The following GUCY1A2 variants were observed in gnomAD, a reference collection of about 807,000 sequenced individuals.
GUCY1A2 encodes guanylate cyclase soluble subunit alpha-2.
GUCY1A2 carries 27 observed loss-of-function variants against 63.5 expected under a neutral mutation model. The ratio of observed to expected loss-of-function variants is 0.43; its 90% confidence interval spans 0.31 to 0.59. The LOEUF (loss-of-function observed/expected upper bound fraction) is 0.59, where lower values mean the gene tolerates loss of function less well. GUCY1A2 is among the 20% of genes least tolerant of loss of function. The probability of loss-of-function intolerance (pLI) is 0.11; values close to 1 mark genes in which losing one functional copy is unlikely to be tolerated. For missense variants in GUCY1A2, 768 were observed against 913.3 expected, an observed-to-expected ratio of 0.84 and a Z score of 2.05; for synonymous variants, 364 against 343.5, an observed-to-expected ratio of 1.06 and a Z score of -0.66.
At chr11:106,970,620 C>G (rs1861181346) in intron 3 of GUCY1A2, among the ~76,000 whole-genome samples, 1 of 152,110 alleles carries the variant, frequency 6.6e-6, no homozygotes, top group Admixed American at 6.6e-5. Context: ...TAGGAAGTCT[C>G]ATTCATTGCT....
At chr11:106,712,757 G>GTACTC (rs1398163364) in intron 6 of GUCY1A2, among the ~76,000 whole-genome samples, 1 of 152,262 alleles carries the variant, frequency 6.6e-6, no homozygotes, top group East Asian at 1.9e-4. Context: ...AGAACCTTGA[G>GTACTC]TACTCTCTGC....
intron 1 of GUCY1A2, among the ~76,000 whole-genome samples, chr11:107,006,349 A>G (rs931056123): frequency 4.6e-5 from 7 of 152,216 alleles, no homozygotes; most frequent in African/African-American, 1.7e-4. Context: ...ATGTGATTTC[A>G]GAGATGGGAA....
chr11:106,987,736 C>T lies in GUCY1A2; in HGVS notation c.304-1605G>A, dbSNP rs560976275. On this transcript the variant is annotated intron_variant, in intron 1 of 7. Coordinates refer to ENST00000526355, the MANE Select transcript of GUCY1A2 (RefSeq NM_000855.3). ...ATGTCCACCTCTTCATAAAAACATC[C>T]AAGACAGATGTAACACTCTCCCTAC... Among the ~76,000 whole-genome samples the T allele has an allele frequency of 2.0e-5, 3 of 151,938 alleles. No individual in the cohort carries two copies. The South Asian group carries it at 6.2e-4, about 32-fold the overall frequency.
intron 1 of GUCY1A2, among the ~76,000 whole-genome samples, chr11:107,013,048 T>C (rs777425422): frequency 2.6e-5 from 4 of 152,148 alleles, no homozygotes; most frequent in Non-Finnish European, 5.9e-5. Context: ...ATTAAGATAA[T>C]TTCCTTCCCC....
chr11:106,950,669 A>G (rs541550704), intron 3 of GUCY1A2, among the ~76,000 whole-genome samples: 1 of 152,300 alleles, frequency 6.6e-6, no homozygotes, highest in South Asian at 2.1e-4. Context: ...ATTGGCGGCC[A>G]CAGAAGAGGC....
At chr11:106,990,787 C>T (rs1861461023) in intron 1 of GUCY1A2, among the ~76,000 whole-genome samples, 2 of 152,158 alleles carry the variant, frequency 1.3e-5, no homozygotes, top group African/African-American at 4.8e-5. Flanking sequence ...CACTAGATGC[C>T]TTTGAGGCTC....
intron 3 of GUCY1A2, among the ~76,000 whole-genome samples, chr11:106,949,341 CT>C (rs1164833623): frequency 1.3e-5 from 2 of 152,124 alleles, no homozygotes; most frequent in Admixed American, 6.6e-5. Flanking sequence ...CATTTCACAC[CT>C]CTATACCAGC....
At chr11:106,746,435 G>A (rs750402606) in intron 6 of GUCY1A2, 11 of 560,204 alleles carry the variant, frequency 2.0e-5, no homozygotes, top group Non-Finnish European at 3.5e-5. Context: ...ACAAACAAAA[G>A]GATGATGATG....
chr11:106,825,283 C>T (rs1439774827), intron 4 of GUCY1A2, among the ~76,000 whole-genome samples: 2 of 151,778 alleles, frequency 1.3e-5, no homozygotes, highest in Non-Finnish European at 2.9e-5. Context: ...TTTGACATAA[C>T]TATCTTTTTG....
At chr11:106,835,916 A>G (rs1015498833) in intron 4 of GUCY1A2, among the ~76,000 whole-genome samples, 2 of 152,020 alleles carry the variant, frequency 1.3e-5, no homozygotes, top group Non-Finnish European at 2.9e-5. Flanking sequence ...TTAAAAAAAT[A>G]GGAAACAAAG....
chr11:106,922,746 G>GT (rs1860465901), intron 4 of GUCY1A2, among the ~76,000 whole-genome samples: 1 of 141,350 alleles, frequency 7.1e-6, no homozygotes, highest in South Asian at 2.4e-4. Context: ...TATATGAGTG[G>GT]TTAATTTAAA....
intron 4 of GUCY1A2, among the ~76,000 whole-genome samples, chr11:106,907,651 C>G (rs11211970): frequency 6.6e-6 from 1 of 151,580 alleles, no homozygotes. Context: ...TGAGAACATG[C>G]GGTGTTTGGT....
intron 7 of GUCY1A2, among the ~76,000 whole-genome samples, chr11:106,690,128 T>A (rs1325291922): frequency 6.6e-6 from 1 of 152,170 alleles, no homozygotes; most frequent in Non-Finnish European, 1.5e-5. Flanking sequence ...CTCAAAGACC[T>A]AAAGACAGAA....
In GUCY1A2 at chr11:106,939,950, T is replaced by C. The variant is rs138928902; in HGVS notation, c.716A>G (p.Tyr239Cys). 5.0e-6 allele frequency: 8 copies of C among 1,613,610 alleles called. No homozygotes were observed. Among genetic ancestry groups the C allele is most frequent in the African/African-American group, 2.7e-5 (2 of 74,872 alleles). Residue 239 changes from tyrosine to cysteine, a missense_variant, in exon 4 of 8, where the codon TAC becomes TGC. Around this residue, in one of 3 missense-constraint regions of GUCY1A2, gnomAD observed 496 missense variants for 486.9 expected, o/e 1.02. Transcript: ENST00000526355. The stretch of plus-strand genomic sequence containing the variant: ...CCCCACAATATGGTGAGGGTGGAAG[T>C]AGTGGAGCATGAGAGTACCTTCAGG... Reference protein sequence around the residue: ...ELPEGTLMLHYFHPHHIVGFA... With the variant: ...ELPEGTLMLHCFHPHHIVGFA...
chr11:107,001,448 A>AT (rs1411686603), intron 1 of GUCY1A2, among the ~76,000 whole-genome samples: 2 of 152,136 alleles, frequency 1.3e-5, no homozygotes, highest in Admixed American at 6.5e-5. Context: ...GACTGGAACC[A>AT]TTTTTTGCTC....
intron 5 of GUCY1A2, among the ~76,000 whole-genome samples, chr11:106,780,871 A>C (rs1864447282): frequency 6.6e-6 from 1 of 152,114 alleles, no homozygotes; most frequent in Non-Finnish European, 1.5e-5. Flanking sequence ...CAACAGTCTT[A>C]ATGCAGCTTT....
intron 4 of GUCY1A2, among the ~76,000 whole-genome samples, chr11:106,813,443 C>T (rs1339714874): frequency 6.6e-6 from 1 of 151,806 alleles, no homozygotes; most frequent in Non-Finnish European, 1.5e-5. Context: ...GGGTTTGTTG[C>T]ATGTTAATGC....
intron 4 of GUCY1A2, among the ~76,000 whole-genome samples, chr11:106,855,995 A>G (rs1396825752): frequency 6.6e-6 from 1 of 151,434 alleles, no homozygotes; most frequent in Non-Finnish European, 1.5e-5. Flanking sequence ...GTGTGACCTC[A>G]GCTTACTGCA....
intron 4 of GUCY1A2, among the ~76,000 whole-genome samples, chr11:106,813,286 T>C (rs1285729866): frequency 2.0e-5 from 3 of 152,038 alleles, no homozygotes; most frequent in Non-Finnish European, 2.9e-5. Context: ...CTCTGAGCTA[T>C]AGTAAAGGGT....
Sources: allele counts gnomAD v4.1 joint callset (sites outside exome capture counted in the v4.1 genomes callset), GRCh38; gene constraint gnomAD v4.1.1; regional missense constraint gnomAD v4.1.1; transcripts MANE v1.5; gene names NCBI Gene and HGNC (gene_info 2026-07-23, HGNC 2026-07-21).